The following SGCZ variants were observed in gnomAD, a reference collection of about 807,000 sequenced individuals.
The protein encoded by SGCZ is zeta-sarcoglycan.
In SGCZ, 40 loss-of-function variants were observed where a neutral mutation model predicts 41.3. The ratio of observed to expected loss-of-function variants is 0.97; its 90% CI spans 0.75 to 1.26. The LOEUF is 1.26. Ranked by LOEUF, SGCZ falls within the 50% of genes most tolerant of loss-of-function variation. The pLI is 0.00. For missense variants in SGCZ, 552 were observed against 369.8 expected, an observed-to-expected ratio of 1.49 and a Z score of -4.04; for synonymous variants, 206 against 137.5, an observed-to-expected ratio of 1.50 and a Z score of -3.49.
At position 14,163,293 on chromosome 8, in the gene SGCZ, A is replaced by AT. The variant is rs569648932; in HGVS notation, c.547+1286dup. 5.2e-4 allele frequency among the ~76,000 whole-genome samples: 79 copies of AT among 151,982 alleles called. No individual in the cohort carries two copies. In the East Asian group the frequency reaches 0.012, roughly 23 times the overall value. ...GTATTAAACCTAATACTTATTCGTT[A>AT]TTTTTCCTAATACTCTCCCTCCTCC... On this transcript the variant is annotated intron_variant, in intron 5 of 7. Coordinates refer to ENST00000382080, the MANE Select transcript of SGCZ (RefSeq NM_139167.4).
intron 1 of SGCZ, among the ~76,000 whole-genome samples, chr8:14,647,902 T>G (rs1807275446): frequency 2.0e-5 from 3 of 151,982 alleles, no homozygotes; most frequent in African/African-American, 7.2e-5. Flanking sequence ...ATTTCATTAT[T>G]TAATTCTTGT....
chr8:14,924,738 T>C (rs1799692285), intron 1 of SGCZ, among the ~76,000 whole-genome samples: 1 of 152,122 alleles, frequency 6.6e-6, no homozygotes, highest in South Asian at 2.1e-4. Flanking sequence ...GTAAACTGAG[T>C]TTGAGGCTAA....
intron 1 of SGCZ, among the ~76,000 whole-genome samples, chr8:14,565,995 G>A (rs902338252): frequency 6.6e-6 from 1 of 152,004 alleles, no homozygotes; most frequent in African/African-American, 2.4e-5. Flanking sequence ...TTTTCAAATG[G>A]ATAATAAATC....
At chr8:14,789,806 A>T (rs981865405) in intron 1 of SGCZ, among the ~76,000 whole-genome samples, 1 of 152,180 alleles carries the variant, frequency 6.6e-6, no homozygotes, top group African/African-American at 2.4e-5. Flanking sequence ...GTACAAAATA[A>T]GTGGTATAAA....
rs571223432 is a variant in SGCZ, at chr8:14,912,098, G to A, written c.39+325487C>T. 2.7e-3 allele frequency among the ~76,000 whole-genome samples: 415 copies of A among 151,908 alleles called. 2 individuals carry two copies. Among genetic ancestry groups the A allele is most frequent in the African/African-American group, 9.4e-3 (391 of 41,466 alleles). ...CCTATTTGTTTCTGTTTCTAGACAC[G>A]TAAGCACCAACACCCAATAAAATGT... On this transcript the variant is annotated intron_variant, in intron 1 of 7. Coordinates refer to ENST00000382080, the MANE Select transcript of SGCZ (RefSeq NM_139167.4).
intron 4 of SGCZ, among the ~76,000 whole-genome samples, chr8:14,220,887 C>G (rs77330436): frequency 0.021 from 3,243 of 152,132 alleles, 36 homozygotes; most frequent in Non-Finnish European, 0.033. Context: ...AATAGCATTT[C>G]AAAATTTGTT....
intron 1 of SGCZ, among the ~76,000 whole-genome samples, chr8:14,629,224 A>G (rs1033108405): frequency 1.3e-5 from 2 of 152,158 alleles, no homozygotes; most frequent in Non-Finnish European, 2.9e-5. Context: ...ACTTCACTGT[A>G]GAATGGAGTT....
In SGCZ at chr8:14,988,577, T is replaced by G. The variant is rs978143947; in HGVS notation, c.39+249008A>C. ...ATTATATTTCAAATCGTCTTTTCATTTCTATGCAGCTGATGAAGCTATGCC... is the reference window on the plus strand; with the variant it reads ...ATTATATTTCAAATCGTCTTTTCATGTCTATGCAGCTGATGAAGCTATGCC... On this transcript the variant is annotated intron_variant, in intron 1 of 7. Coordinates refer to ENST00000382080, the MANE Select transcript of SGCZ (RefSeq NM_139167.4). 2.0e-4 allele frequency among the ~76,000 whole-genome samples: 31 copies of G among 152,112 alleles called. 1 individual carries two copies. Among genetic ancestry groups the G allele is most frequent in the Non-Finnish European group, 5.9e-5 (4 of 67,996 alleles).
intron 1 of SGCZ, among the ~76,000 whole-genome samples, chr8:15,224,249 G>T (rs1283849297): frequency 6.6e-6 from 1 of 152,108 alleles, no homozygotes; most frequent in Non-Finnish European, 1.5e-5. Context: ...ATTCAGGAAA[G>T]TCATAAAATA....
At chr8:14,858,792 G>A (rs58258770) in intron 1 of SGCZ, among the ~76,000 whole-genome samples, 54,081 of 151,912 alleles carry the variant, frequency 0.36, 12,623 homozygotes, top group African/African-American at 0.66. Context: ...TTCATTATAT[G>A]ATATCAAAAT....
At chr8:14,802,789 T>C (rs754103363) in intron 1 of SGCZ, among the ~76,000 whole-genome samples, 2 of 152,206 alleles carry the variant, frequency 1.3e-5, no homozygotes, top group East Asian at 3.9e-4. Flanking sequence ...TTAGATGAGA[T>C]AAAGAGGAGC....
At chr8:14,284,664 C>T (rs1384526102) in intron 3 of SGCZ, among the ~76,000 whole-genome samples, 1 of 152,020 alleles carries the variant, frequency 6.6e-6, no homozygotes, top group Non-Finnish European at 1.5e-5. Context: ...TTCCCTTTGT[C>T]CCATCTATAG....
chr8:14,149,526 CA>C (rs1335427399), intron 5 of SGCZ, among the ~76,000 whole-genome samples: 1 of 151,284 alleles, frequency 6.6e-6, no homozygotes, highest in Non-Finnish European at 1.5e-5. Context: ...AAAGGAACGC[CA>C]AAAAATGAAA....
At chr8:15,144,240 C>G (rs968809182) in intron 1 of SGCZ, among the ~76,000 whole-genome samples, 1 of 152,132 alleles carries the variant, frequency 6.6e-6, no homozygotes, top group Non-Finnish European at 1.5e-5. Flanking sequence ...AAGGTTCAGA[C>G]TTAAAATATT....
chr8:15,111,325 A>C (rs7827568), intron 1 of SGCZ, among the ~76,000 whole-genome samples: 72,219 of 151,918 alleles, frequency 0.48, 17,976 homozygotes, highest in African/African-American at 0.64. Flanking sequence ...TCCCGCTTCC[A>C]CTATATCTCA....
chr8:14,619,514 G>A (rs557303720), intron 1 of SGCZ, among the ~76,000 whole-genome samples: 2 of 152,284 alleles, frequency 1.3e-5, no homozygotes, highest in South Asian at 4.1e-4. Flanking sequence ...CCTGTCTGCA[G>A]ATGACATGAC....
intron 1 of SGCZ, among the ~76,000 whole-genome samples, chr8:14,566,199 A>T (rs1276131441): frequency 2.6e-5 from 4 of 152,268 alleles, no homozygotes; most frequent in African/African-American, 9.6e-5. Flanking sequence ...AGATAAAGAG[A>T]AAGCAGTTGG....
intron 1 of SGCZ, among the ~76,000 whole-genome samples, chr8:14,802,831 T>C (rs1235223038): frequency 6.6e-6 from 1 of 152,108 alleles, no homozygotes; most frequent in Admixed American, 6.5e-5. Flanking sequence ...GAACTGCAAA[T>C]GGCTCATTAA....
chr8:15,187,946 T>A (rs1800398329), intron 1 of SGCZ, among the ~76,000 whole-genome samples: 1 of 151,976 alleles, frequency 6.6e-6, no homozygotes, highest in African/African-American at 2.4e-5. Context: ...TTGCTGTGGG[T>A]GAGTAGGGGG....
Sources: allele counts gnomAD v4.1 joint callset (sites outside exome capture counted in the v4.1 genomes callset), GRCh38; gene constraint gnomAD v4.1.1; transcripts MANE v1.5; gene names NCBI Gene and HGNC (gene_info 2026-07-23, HGNC 2026-07-21).